TARBP1: variants seen among roughly 807,000 people sequenced by gnomAD.
The protein encoded by TARBP1 is tRNA (guanosine(18)-2'-O)-methyltransferase TARBP1.
TARBP1 carries 144 observed loss-of-function variants against 178.6 expected under a neutral mutation model. The observed-to-expected ratio is 0.81, with a 90% CI of 0.70 to 0.93. The LOEUF (loss-of-function observed/expected upper bound fraction) is 0.93, where lower values mean the gene tolerates loss of function less well. TARBP1 is among the 40% of genes least tolerant of loss of function. TARBP1 has a pLI of 0.00. For missense variants in TARBP1, 2,067 were observed against 2,011.7 expected (o/e 1.03, Z -0.53); for synonymous variants, 787 against 781.0 (o/e 1.01, Z -0.13).
intron 3 of TARBP1, among the ~76,000 whole-genome samples, chr1:234,468,540 A>G (rs1485936241): frequency 6.6e-6 from 1 of 152,188 alleles, no homozygotes; most frequent in African/African-American, 2.4e-5. Flanking sequence ...TACCCCATGC[A>G]TGCAGGTTGG....
chr1:234,401,340 A>T, intron 24 of TARBP1, 78 bp from the exon 25 acceptor site: 1 of 1,112,650 alleles, frequency 9.0e-7, no homozygotes, highest in Non-Finnish European at 1.3e-6. Context: ...CAGTATCTTA[A>T]AGGGTGGCTG....
intron 1 of TARBP1, among the ~76,000 whole-genome samples, chr1:234,477,928 CA>C: frequency 6.6e-6 from 1 of 152,222 alleles, no homozygotes; most frequent in South Asian, 2.1e-4. Context: ...TAAACTATTC[CA>C]GGGGTGCTGT....
chr1:234,461,372 T>C (rs1371587854), intron 6 of TARBP1, among the ~76,000 whole-genome samples: 1 of 152,224 alleles, frequency 6.6e-6, no homozygotes. Flanking sequence ...TGGCTTGATC[T>C]TGGCTTACTA....
chr1:234,391,834 A>G (rs1659402318), intron 29 of TARBP1, 89 bp from the exon 30 acceptor site: 1 of 1,344,222 alleles, frequency 7.4e-7, no homozygotes, highest in African/African-American at 1.5e-5. Context: ...TTATTCACTT[A>G]TTTTTCTCTT....
At chr1:234,460,792 A>C (rs1359883570) in intron 6 of TARBP1, among the ~76,000 whole-genome samples, 1 of 152,222 alleles carries the variant, frequency 6.6e-6, no homozygotes, top group African/African-American at 2.4e-5. Context: ...AACAATCCAA[A>C]TGCCTACCAA....
At chr1:234,455,418 G>A (rs892403765) in intron 9 of TARBP1, among the ~76,000 whole-genome samples, 4 of 152,106 alleles carry the variant, frequency 2.6e-5, no homozygotes, top group African/African-American at 9.7e-5. Context: ...TCGGCAATGG[G>A]GGAAATTGAA....
intron 13 of TARBP1, among the ~76,000 whole-genome samples, chr1:234,434,906 C>T (rs116048727): frequency 0.023 from 3,566 of 152,158 alleles, 61 homozygotes; most frequent in South Asian, 0.062. Context: ...AGAATGACAT[C>T]ATAGAAGTTA....
At chr1:234,416,873 C>A (rs1662483673) in intron 22 of TARBP1, among the ~76,000 whole-genome samples, 1 of 152,054 alleles carries the variant, frequency 6.6e-6, no homozygotes, top group African/African-American at 2.4e-5. Context: ...GAAGCAGGGA[C>A]CGGCCGAGAT....
At chr1:234,418,266 A>G (rs201449018) in intron 21 of TARBP1, 33 bp from the exon 22 acceptor site, 2 of 1,514,996 alleles carry the variant, frequency 1.3e-6, no homozygotes, top group Non-Finnish European at 1.8e-6. Context: ...AACCAGTTAC[A>G]GTTATTCATT....
In TARBP1 at chr1:234,457,833, G is replaced by A; in HGVS notation, c.1633-77C>T. 2.0e-6 allele frequency: 2 copies of A among 1,003,074 alleles called. 1 individual carries two copies. The highest frequency in any genetic ancestry group is 3.3e-5 in the African/African-American group (2 of 60,782). 62.1% of individuals were successfully genotyped at this position (1,003,074 alleles called of 1,614,324 possible). A position where few individuals can be genotyped will look rare whatever the true frequency, so the allele number is the denominator to read the frequency against. Reference sequence around the variant, plus strand: ...TGAATAAACTAAAACCACTGTGAAGGCAATCAATTCTACTACTTAAAGTAG... The same window carrying A: ...TGAATAAACTAAAACCACTGTGAAGACAATCAATTCTACTACTTAAAGTAG... On this transcript the variant is annotated intron_variant, in intron 8 of 29. Transcript: ENST00000040877.
At chr1:234,422,881 AATTAAAC>A (rs1410832205) in intron 20 of TARBP1, among the ~76,000 whole-genome samples, 1 of 152,218 alleles carries the variant, frequency 6.6e-6, no homozygotes, top group Non-Finnish European at 1.5e-5. Context: ...GACCCACAAA[AATTAAAC>A]ATTTAAAAAT....
At chr1:234,453,209 G>A (rs767473715) in intron 9 of TARBP1, among the ~76,000 whole-genome samples, 3 of 152,074 alleles carry the variant, frequency 2.0e-5, no homozygotes, top group Non-Finnish European at 4.4e-5. Context: ...CAATATGGGG[G>A]TCATCAATTG....
chr1:234,455,133 T>C (rs933310902), intron 9 of TARBP1, among the ~76,000 whole-genome samples: 7 of 152,162 alleles, frequency 4.6e-5, no homozygotes, highest in Admixed American at 6.5e-5. Context: ...AGAATCTTAA[T>C]TGCAGACGAG....
chr1:234,434,073 T>C (rs988556001), intron 13 of TARBP1, among the ~76,000 whole-genome samples: 4 of 152,208 alleles, frequency 2.6e-5, no homozygotes, highest in Non-Finnish European at 4.4e-5. Flanking sequence ...AGCTCTACCA[T>C]GCACCAGCCC....
chr1:234,447,146 T>C (rs1405962967), intron 11 of TARBP1, among the ~76,000 whole-genome samples, 171 bp from the exon 12 acceptor site: 1 of 152,076 alleles, frequency 6.6e-6, no homozygotes, highest in East Asian at 1.9e-4. Context: ...TGGTCCGTGC[T>C]TTCCCGTGAG....
rs557416168 is a variant in TARBP1, at chr1:234,424,543, A to G, written c.3444+1130T>C. Among the ~76,000 whole-genome samples, 3 of 152,332 alleles carry G rather than the reference A, an allele frequency of 2.0e-5. No individual in the cohort carries two copies. The East Asian group carries it at 5.8e-4, about 29-fold the overall frequency. The stretch of plus-strand genomic sequence containing the variant: ...CTTTCACGGGCTCTCAAATCACAGC[A>G]ATCAATTCCTAACATTTGATGCCAT... On this transcript the variant is annotated intron_variant, in intron 20 of 29. Coordinates refer to ENST00000040877, the MANE Select transcript of TARBP1 (RefSeq NM_005646.4).
intron 11 of TARBP1, 110 bp downstream of exon 11, chr1:234,448,370 T>G: frequency 1.1e-6 from 1 of 872,594 alleles, no homozygotes; most frequent in South Asian, 1.5e-5. Flanking sequence ...AGTACCTTCC[T>G]TGACACCTTG....
At chr1:234,422,203 A>G (rs542914637) in intron 20 of TARBP1, among the ~76,000 whole-genome samples, 2 of 152,264 alleles carry the variant, frequency 1.3e-5, no homozygotes, top group African/African-American at 4.8e-5. Flanking sequence ...GAAGTTGAGA[A>G]TTCTAAAATT....
intron 25 of TARBP1, among the ~76,000 whole-genome samples, chr1:234,399,377 C>T (rs1053217989): frequency 2.6e-5 from 4 of 152,144 alleles, no homozygotes; most frequent in African/African-American, 9.7e-5. Flanking sequence ...ACAATGATCA[C>T]GACTACATGT....
Sources: gnomAD v4.1 joint callset for allele counts (sites outside exome capture counted in the v4.1 genomes callset) on GRCh38, gnomAD v4.1.1 for gene constraint, MANE v1.5 for transcripts, NCBI Gene and HGNC (gene_info 2026-07-23, HGNC 2026-07-21) for gene names.